Variants in PLB1 observed in about 807,000 individuals in gnomAD.
The protein encoded by PLB1 is phospholipase B1, membrane-associated.
In PLB1, 242 loss-of-function variants were observed where a neutral mutation model predicts 227.4. The observed-to-expected ratio is 1.06, with a 90% CI of 0.96 to 1.18. The LOEUF is 1.18. Ranked by LOEUF, PLB1 falls within the 50% of genes most tolerant of loss-of-function variation. The probability of loss-of-function intolerance (pLI) is 0.00; values close to 1 mark genes in which losing one functional copy is unlikely to be tolerated. For synonymous variants in PLB1, 757 were observed against 682.2 expected (o/e 1.11, Z -1.71); for missense variants, 1,858 against 1,816.3 (o/e 1.02, Z -0.42).
intron 4 of PLB1, among the ~76,000 whole-genome samples, chr2:28,523,091 A>C (rs1407676928): frequency 2.0e-5 from 3 of 152,196 alleles, no homozygotes; most frequent in Admixed American, 1.3e-4. Context: ...TTCAAAAATC[A>C]GTTATGTAAA....
intron 43 of PLB1, among the ~76,000 whole-genome samples, chr2:28,607,060 A>G (rs746252420): frequency 2.6e-5 from 4 of 152,264 alleles, no homozygotes; most frequent in South Asian, 4.1e-4. Flanking sequence ...CCAGAGCTGT[A>G]TGGAGGAGGG....
intron 37 of PLB1, 158 bp from the exon 38 acceptor site, chr2:28,601,741 C>G (rs1683936468): frequency 1.5e-6 from 1 of 688,970 alleles, no homozygotes; most frequent in Non-Finnish European, 2.6e-6. Flanking sequence ...AAGTAGTCAA[C>G]TGTTCATCTC....
intron 17 of PLB1, among the ~76,000 whole-genome samples, chr2:28,562,618 G>A (rs1236043989): frequency 6.7e-6 from 1 of 150,024 alleles, no homozygotes; most frequent in Non-Finnish European, 1.5e-5. Context: ...ATTTTTATAG[G>A]ATGATGTAAT....
chr2:28,605,562 A>G (rs1394148544), intron 41 of PLB1, among the ~76,000 whole-genome samples: 1 of 152,146 alleles, frequency 6.6e-6, no homozygotes, highest in Non-Finnish European at 1.5e-5. Context: ...CATCTGTGGC[A>G]TGGCCTCGGG....
At chr2:28,519,566 A>T (rs1669245849) in intron 3 of PLB1, 139 bp from the exon 4 acceptor site, 2 of 639,780 alleles carry the variant, frequency 3.1e-6, no homozygotes, top group South Asian at 4.0e-5. Context: ...TTGGCATTCC[A>T]CTTCCATGGC....
chr2:28,589,120 G>A (rs549359763), intron 26 of PLB1, among the ~76,000 whole-genome samples: 3 of 152,002 alleles, frequency 2.0e-5, no homozygotes, highest in South Asian at 4.2e-4. Context: ...AGCCAAGATC[G>A]CGCCATTGCA....
At chr2:28,615,405 T>C (rs1411287919) in intron 44 of PLB1, among the ~76,000 whole-genome samples, 1 of 152,222 alleles carries the variant, frequency 6.6e-6, no homozygotes, top group East Asian at 1.9e-4. Context: ...AAGATCTCCC[T>C]GACTGCTATG....
intron 17 of PLB1, among the ~76,000 whole-genome samples, chr2:28,561,295 C>T (rs1676024510): frequency 7.1e-6 from 1 of 141,318 alleles, no homozygotes; most frequent in South Asian, 2.5e-4. Flanking sequence ...TAATAGCTGC[C>T]ACATCACACG....
At position 28,629,605 on chromosome 2, in the gene PLB1, T is replaced by C. The variant is rs539868358; in HGVS notation, c.3818+420T>C. Among the ~76,000 whole-genome samples the C allele has an allele frequency of 7.5e-4, 115 of 152,318 alleles. No individual in the cohort carries two copies. The South Asian group carries it at 0.012, about 15-fold the overall frequency. ...ACATAACCTCTATGAGCCTCTGTGT[T>C]CCTCATCTGTAAAGTGGGGGTGATG... On this transcript the variant is annotated intron_variant, in intron 53 of 57. Coordinates refer to ENST00000327757, the MANE Select transcript of PLB1 (RefSeq NM_153021.5).
intron 17 of PLB1, among the ~76,000 whole-genome samples, chr2:28,562,540 C>CCAAAAAAAAAAAAAAAAAAAAAA (rs1676215259): frequency 2.3e-5 from 1 of 42,606 alleles, no homozygotes; most frequent in African/African-American, 1.1e-4. Flanking sequence ...GACTCTGTCT[C>CCAAAAAAAAAAAAAAAAAAAAAA]AAAAAAAAAA....
chr2:28,549,427 T>TTTTTTTTG (rs1673854983), intron 15 of PLB1, among the ~76,000 whole-genome samples: 1 of 132,320 alleles, frequency 7.6e-6, no homozygotes. Flanking sequence ...TTTTTTTTTT[T>TTTTTTTTG]TTTTTTTGAG....
At chr2:28,620,692 G>A (rs1274636432) in intron 48 of PLB1, 49 bp downstream of exon 48, 3 of 1,609,084 alleles carry the variant, frequency 1.9e-6, no homozygotes, top group Non-Finnish European at 2.6e-6. Flanking sequence ...TCCTCCCTGG[G>A]GCCAGGGCCT....
chr2:28,537,774 T>C (rs547928206), intron 9 of PLB1, among the ~76,000 whole-genome samples: 22 of 151,616 alleles, frequency 1.5e-4, no homozygotes, highest in Admixed American at 4.6e-4. Context: ...GCGTGGGAGA[T>C]GTCTTTAAAT....
intron 18 of PLB1, 146 bp downstream of exon 18, chr2:28,563,245 C>T (rs900954249): frequency 3.3e-5 from 26 of 794,608 alleles, no homozygotes; most frequent in African/African-American, 1.0e-4. Flanking sequence ...CTCCATTGTC[C>T]GACCCACCCT....
chr2:28,602,657 C>CG (rs2148301041), intron 38 of PLB1, among the ~76,000 whole-genome samples, 164 bp from the exon 39 acceptor site: 1 of 152,342 alleles, frequency 6.6e-6, no homozygotes, highest in East Asian at 1.9e-4. Context: ...GTGTGATGTA[C>CG]GGCCTGTAAG....
At chr2:28,514,429 C>A (rs890800992) in intron 1 of PLB1, among the ~76,000 whole-genome samples, 4 of 152,068 alleles carry the variant, frequency 2.6e-5, no homozygotes, top group African/African-American at 9.7e-5. Flanking sequence ...GGTCGTTTGC[C>A]TCTTAATATA....
chr2:28,612,060 G>A (rs568661433), intron 43 of PLB1, among the ~76,000 whole-genome samples: 150 of 152,304 alleles, frequency 9.8e-4, no homozygotes, highest in African/African-American at 3.4e-3. Flanking sequence ...GCAGGAAAAT[G>A]GCATGAACCC....
chr2:28,607,430 T>C (rs1483811140), intron 43 of PLB1, among the ~76,000 whole-genome samples: 1 of 152,150 alleles, frequency 6.6e-6, no homozygotes, highest in African/African-American at 2.4e-5. Context: ...CCCTGTCTGC[T>C]GCCTGCCCTA....
chr2:28,627,166 CCT>C (rs1687911817), intron 51 of PLB1, among the ~76,000 whole-genome samples: 1 of 152,140 alleles, frequency 6.6e-6, no homozygotes, highest in Non-Finnish European at 1.5e-5. Context: ...ATTTATCACT[CCT>C]TGTGGCTCAC....
Sources: gnomAD v4.1 joint callset for allele counts (sites outside exome capture counted in the v4.1 genomes callset) on GRCh38, gnomAD v4.1.1 for gene constraint, MANE v1.5 for transcripts, NCBI Gene and HGNC (gene_info 2026-07-23, HGNC 2026-07-21) for gene names.